KCNQ2: variants seen among roughly 807,000 people sequenced by gnomAD.
The protein encoded by KCNQ2 is potassium voltage-gated channel subfamily Q member 2, also known as potassium voltage-gated channel subfamily KQT member 2.
KCNQ2 carries 14 observed loss-of-function variants against 84.8 expected under a neutral mutation model. The observed-to-expected ratio is 0.17, with a 90% CI of 0.11 to 0.26. KCNQ2 has a LOEUF of 0.26. Ranked by LOEUF, KCNQ2 falls within the 10% of genes least tolerant of loss-of-function variation. The probability of loss-of-function intolerance (pLI) is 1.00; values close to 1 mark genes in which losing one functional copy is unlikely to be tolerated. For synonymous variants in KCNQ2, 599 were observed against 554.1 expected (o/e 1.08, Z -1.14); for missense variants, 788 against 1,254.0 (o/e 0.63, Z 5.61).
chr20:63,434,938 C>CT (rs1266036632), intron 7 of KCNQ2, among the ~76,000 whole-genome samples: 3 of 152,214 alleles, frequency 2.0e-5, no homozygotes, highest in Admixed American at 2.0e-4. Context: ...TCTTTTGTGT[C>CT]TGTCTATACC....
chr20:63,430,341 T>C (rs1010686900), intron 9 of KCNQ2, among the ~76,000 whole-genome samples: 4 of 152,096 alleles, frequency 2.6e-5, no homozygotes, highest in African/African-American at 7.2e-5. Flanking sequence ...AGATGTCTTA[T>C]GGCTGAGCAT....
chr20:63,429,234 C>T (rs1209531432), intron 9 of KCNQ2, among the ~76,000 whole-genome samples: 3 of 150,280 alleles, frequency 2.0e-5, no homozygotes, highest in Admixed American at 6.6e-5. Context: ...CATTCCAGCT[C>T]GCTTCAGGAA....
Position 63,472,607 on chromosome 20 carries a change from G to T in KCNQ2, c.-144C>A, listed in dbSNP as rs1449019707. On this transcript the variant is annotated 5_prime_UTR_variant, in exon 1 of 17. Coordinates refer to ENST00000359125, the MANE Select transcript of KCNQ2 (RefSeq NM_172107.4). ...TCCGCACTCCTGCCGGGCTTGGGCC[G>T]CGCGCGGAGACGCTGCGGCCACCTC... is the stretch of plus-strand genomic sequence containing the variant. 5 of 597,678 alleles carry T rather than the reference G, an allele frequency of 8.4e-6. No individual in the cohort carries two copies. Among genetic ancestry groups the T allele is most frequent in the Non-Finnish European group, 8.8e-6 (4 of 455,374 alleles). The allele number at this position is 597,678 out of a possible 1,614,324, so 37.0% of individuals were successfully genotyped here. A position where few individuals can be genotyped will look rare whatever the true frequency, so the allele number is the denominator to read the frequency against.
At chr20:63,470,260 C>A (rs4809569) in intron 1 of KCNQ2, among the ~76,000 whole-genome samples, 1 of 147,912 alleles carries the variant, frequency 6.8e-6, no homozygotes. Context: ...CAGGGAGCTC[C>A]GTGCCCACAG....
intron 12 of KCNQ2, among the ~76,000 whole-genome samples, chr20:63,418,367 A>G (rs1189552867): frequency 6.6e-6 from 1 of 151,976 alleles, no homozygotes. Context: ...CCTCCCTCCC[A>G]ATGGTGAAAT....
At chr20:63,429,044 CCT>C (rs749173517) in intron 9 of KCNQ2, among the ~76,000 whole-genome samples, 47 of 152,026 alleles carry the variant, frequency 3.1e-4, no homozygotes, top group Admixed American at 5.9e-4. Context: ...CATACCCACC[CCT>C]GTCTTCCTGC....
At chr20:63,432,063 T>TCCACCCACAGGGAAGGCC (rs1568912561) in intron 8 of KCNQ2, among the ~76,000 whole-genome samples, 6 of 79,752 alleles carry the variant, frequency 7.5e-5, no homozygotes, top group Admixed American at 4.2e-4. Flanking sequence ...CAGGGAAGAC[T>TCCACCCACAGGGAAGGCC]CCACCCACAG....
chr20:63,431,262 G>A, intron 9 of KCNQ2, 78 bp downstream of exon 9: 5 of 1,560,504 alleles, frequency 3.2e-6, no homozygotes, highest in Non-Finnish European at 4.4e-6. Context: ...GGGGCTCCAG[G>A]GGCTTGCCCG....
intron 5 of KCNQ2, among the ~76,000 whole-genome samples, chr20:63,440,199 G>A (rs1186929619): frequency 6.6e-6 from 1 of 152,150 alleles, no homozygotes; most frequent in East Asian, 1.9e-4. Context: ...CCATGGCGGG[G>A]TGGGCTGCTC....
At chr20:63,432,531 TCCACCCTCTGGGAAGGCC>T (rs2080846366) in intron 8 of KCNQ2, among the ~76,000 whole-genome samples, 7 of 103,406 alleles carry the variant, frequency 6.8e-5, no homozygotes, top group Non-Finnish European at 1.2e-4. Flanking sequence ...CAGGGAAGGC[TCCACCCTCTGGGAAGGCC>T]CCACCCTCAG....
Position 63,438,356 on chromosome 20 carries a change from G to A in KCNQ2, c.1023+269C>T, listed in dbSNP as rs2081064516. ...CTCACCTCCCAGGGTGCGGTAGAGA[G>A]GACCTGATGGCCGGGCCCCAGCACC... On this transcript the variant is annotated intron_variant, in intron 7 of 16. Coordinates refer to ENST00000359125, the MANE Select transcript of KCNQ2 (RefSeq NM_172107.4). This position sits in a 1 kb window ranked among gnomAD's most constrained non-coding sequence, Gnocchi z 5.1. 5.3e-6 allele frequency: 3 copies of A among 567,684 alleles called. No homozygotes were observed. The highest frequency in any genetic ancestry group is 1.9e-5 in the African/African-American group (1 of 53,328). The allele number at this position is 567,684 out of a possible 1,614,324, so 35.2% of individuals were successfully genotyped here.
chr20:63,416,763 C>A (rs537313584), intron 12 of KCNQ2, among the ~76,000 whole-genome samples: 45 of 152,236 alleles, frequency 3.0e-4, no homozygotes, highest in Admixed American at 1.8e-3. Context: ...GAGAGACACG[C>A]CCACCAGACG....
At position 63,401,230 on chromosome 20, in the gene KCNQ2, G is replaced by A. The variant is rs562279649; in HGVS notation, c.*5414C>T. 2.5e-5 allele frequency: 5 copies of A among 201,498 alleles called. No individual in the cohort carries two copies. Among genetic ancestry groups the A allele is most frequent in the East Asian group, 2.2e-4 (2 of 8,912 alleles). 12.5% of individuals were successfully genotyped at this position (201,498 alleles called of 1,614,324 possible). A position where few individuals can be genotyped will look rare whatever the true frequency, so the allele number is the denominator to read the frequency against. ...CCTCCATCCCAAATGGTCCCCTCCC[G>A]TCTCTCCTCCTCCACCGTTGCCCAC... On this transcript the variant is annotated 3_prime_UTR_variant, in exon 17 of 17. Transcript: ENST00000359125.
At chr20:63,459,804 G>A (rs1245996150) in intron 1 of KCNQ2, 1 of 152,220 alleles carries the variant, frequency 6.6e-6, no homozygotes, top group Admixed American at 6.5e-5. Flanking sequence ...AGCGCACACA[G>A]GTAACCTGCC....
rs1600766224 is a variant in KCNQ2 at position 63,442,409 on chromosome 20, G to A, written c.813C>T (p.Gly271=). 1.2e-6 allele frequency: 2 copies of A among 1,613,782 alleles called. No individual in the cohort carries two copies. The highest frequency in any genetic ancestry group is 1.7e-6 in the Non-Finnish European group (2 of 1,179,950). ...FDTYADALWW[G]LITLTTIGYG... ...AACCACAATGACCACAACTCACCAG[G>A]CCCCACCAGAGTGCATCCGCGTAGG... The change falls in exon 5 of 17, where the codon GGC becomes GGT. Residue 271 remains glycine (G), a synonymous_variant. Coordinates refer to ENST00000359125, the MANE Select transcript of KCNQ2 (RefSeq NM_172107.4).
chr20:63,413,609 C>T (rs769036362), intron 14 of KCNQ2, 28 bp from the exon 15 acceptor site: 1 of 1,610,108 alleles, frequency 6.2e-7, no homozygotes, highest in Non-Finnish European at 8.5e-7. Flanking sequence ...GGGCTGTGAG[C>T]CCTGGGCCAG....
Position 63,446,367 on chromosome 20 carries a change from C to T in KCNQ2, c.387+380G>A. The T allele has an allele frequency of 3.1e-6, 1 of 321,622 alleles. No individual in the cohort carries two copies. The highest frequency in any genetic ancestry group is 3.2e-5 in the South Asian group (1 of 30,910). 19.9% of individuals were successfully genotyped at this position (321,622 alleles called of 1,614,324 possible). On this transcript the variant is annotated intron_variant, in intron 2 of 16. Coordinates refer to ENST00000359125, the MANE Select transcript of KCNQ2 (RefSeq NM_172107.4). The surrounding 1 kb of genome is among the most constrained non-coding windows in gnomAD (Gnocchi z 5.5). Reference sequence around the variant, plus strand: ...ACCCTGCCCTGGCACAGGGTTGCTGCAAGCGTCACAGCCCCCACCCCGACG... The same window carrying T: ...ACCCTGCCCTGGCACAGGGTTGCTGTAAGCGTCACAGCCCCCACCCCGACG...
intron 15 of KCNQ2, among the ~76,000 whole-genome samples, chr20:63,409,116 C>T (rs1269957429): frequency 2.0e-5 from 3 of 152,356 alleles, no homozygotes; most frequent in Admixed American, 6.5e-5. Flanking sequence ...GCTCCATGCA[C>T]CAGGACAAGG....
At chr20:63,449,820 C>T (rs995459718) in intron 1 of KCNQ2, among the ~76,000 whole-genome samples, 1 of 151,790 alleles carries the variant, frequency 6.6e-6, no homozygotes, top group South Asian at 2.2e-4. Flanking sequence ...CCAGGCCATC[C>T]GGGCACAAAC....
Sources: gnomAD v4.1 joint callset for allele counts (sites outside exome capture counted in the v4.1 genomes callset) on GRCh38, gnomAD v4.1.1 for gene constraint, Gnocchi (gnomAD v3.1) non-coding constraint, MANE v1.5 for transcripts, NCBI Gene and HGNC (gene_info 2026-07-23, HGNC 2026-07-21) for gene names.